Variants in GRID1 observed in about 807,000 individuals in gnomAD.
The protein encoded by GRID1 is glutamate ionotropic receptor delta type subunit 1.
GRID1 carries 28 observed loss-of-function variants against 98.0 expected under a neutral mutation model. The observed-to-expected ratio is 0.29, with a 90% CI of 0.21 to 0.39. The LOEUF is 0.39. GRID1 is among the 10% of genes least tolerant of loss of function. The pLI, the probability that GRID1 is intolerant of heterozygous loss-of-function variation, is 1.00. For synonymous variants in GRID1, 553 were observed against 538.5 expected (o/e 1.03, Z -0.37); for missense variants, 1,111 against 1,340.5 (o/e 0.83, Z 2.67).
intron 4 of GRID1, among the ~76,000 whole-genome samples, chr10:85,967,891 G>A (rs369614101): frequency 5.9e-5 from 9 of 152,234 alleles, no homozygotes; most frequent in Non-Finnish European, 7.4e-5. Context: ...GTAAAAGACC[G>A]TCAGTCAAGA....
In GRID1 at chr10:86,064,579, G is replaced by T. The variant is rs192545535; in HGVS notation, c.726+74240C>A. On this transcript the variant is annotated intron_variant, in intron 4 of 15. Coordinates refer to ENST00000327946, the MANE Select transcript of GRID1 (RefSeq NM_017551.3). ...CATCCCAGAACACAGAGGAACCAAG[G>T]TTGGTAGGCAAAGCTGGCCATGCTG... Among the ~76,000 whole-genome samples, 8 of 152,324 alleles carry T rather than the reference G, an allele frequency of 5.3e-5. No homozygotes were observed. In the East Asian group the frequency reaches 1.5e-3, roughly 29 times the overall value.
intron 4 of GRID1, among the ~76,000 whole-genome samples, chr10:86,120,898 T>G (rs1844655312): frequency 6.6e-6 from 1 of 152,084 alleles, no homozygotes; most frequent in Non-Finnish European, 1.5e-5. Context: ...GTAGAATGCC[T>G]CCTCCCTGGC....
intron 8 of GRID1, among the ~76,000 whole-genome samples, chr10:85,782,009 T>C (rs1239145187): frequency 6.6e-6 from 1 of 152,226 alleles, no homozygotes; most frequent in African/African-American, 2.4e-5. Flanking sequence ...TGTTAGTCTT[T>C]TTTGTCAAAA....
At chr10:86,160,018 C>G (rs2131985716) in intron 3 of GRID1, among the ~76,000 whole-genome samples, 1 of 152,222 alleles carries the variant, frequency 6.6e-6, no homozygotes, top group South Asian at 2.1e-4. Context: ...TCATCATAAC[C>G]ATCAACATCA....
At chr10:85,671,481 A>C (rs954497390) in intron 12 of GRID1, among the ~76,000 whole-genome samples, 2 of 152,144 alleles carry the variant, frequency 1.3e-5, no homozygotes, top group African/African-American at 4.8e-5. Flanking sequence ...CCCTTATAAG[A>C]TGGTGAAGTT....
chr10:85,940,470 T>G (rs894162984), intron 4 of GRID1, among the ~76,000 whole-genome samples: 3 of 152,164 alleles, frequency 2.0e-5, no homozygotes, highest in Non-Finnish European at 4.4e-5. Context: ...GAATAATAAA[T>G]GCAGATTCCA....
intron 8 of GRID1, among the ~76,000 whole-genome samples, chr10:85,847,043 G>C (rs1349257999): frequency 6.6e-6 from 1 of 152,164 alleles, no homozygotes; most frequent in Non-Finnish European, 1.5e-5. Flanking sequence ...GCATCTGAGA[G>C]AGAAATTCTG....
intron 4 of GRID1, among the ~76,000 whole-genome samples, chr10:86,023,227 G>A (rs1456037399): frequency 2.0e-5 from 3 of 152,176 alleles, no homozygotes; most frequent in East Asian, 1.9e-4. Flanking sequence ...GACCTAGTCC[G>A]AAGGTGAAAT....
At position 86,283,216 on chromosome 10, in the gene GRID1, C is replaced by T. The variant is rs1847380473; in HGVS notation, c.236-76568G>A. ...TCCAGGTAGTCCTCCCTGGAGATTC[C>T]TCCCCACATAGGGTTAGGAGACTCT... On this transcript the variant is annotated intron_variant, in intron 2 of 15. Transcript: ENST00000327946. Among the ~76,000 whole-genome samples the T allele has an allele frequency of 2.0e-5, 3 of 152,330 alleles. No individual in the cohort carries two copies. In the South Asian group the frequency reaches 6.2e-4, roughly 32 times the overall value.
chr10:86,105,882 C>T lies in GRID1; in HGVS notation c.726+32937G>A, dbSNP rs557288369. Among the ~76,000 whole-genome samples, 12 of 152,142 alleles carry T rather than the reference C, an allele frequency of 7.9e-5. No homozygotes were observed. In the East Asian group the frequency reaches 1.7e-3, roughly 22 times the overall value. On this transcript the variant is annotated intron_variant, in intron 4 of 15. Transcript: ENST00000327946. ...ACCCAGGAATGCTGCCCTGAGGAGC[C>T]GCGATGGGGAGAGGAAAATGATGGT...
intron 12 of GRID1, among the ~76,000 whole-genome samples, chr10:85,681,624 T>A (rs915793857): frequency 6.6e-6 from 1 of 152,060 alleles, no homozygotes. Context: ...TTTCTAAATC[T>A]TGCACCTTCT....
In GRID1 at chr10:86,317,753, T is replaced by C. The variant is rs146936021; in HGVS notation, c.235+46188A>G. On this transcript the variant is annotated intron_variant, in intron 2 of 15. Coordinates refer to ENST00000327946, the MANE Select transcript of GRID1 (RefSeq NM_017551.3). ...ATTTTTTAATTTTAATTTTTATTTTTATTTTTAGACATGGTCGCACTCTGT... is the reference window on the plus strand; with the variant it reads ...ATTTTTTAATTTTAATTTTTATTTTCATTTTTAGACATGGTCGCACTCTGT... Among the ~76,000 whole-genome samples the C allele has an allele frequency of 1.8e-3, 274 of 152,232 alleles. 2 individuals carry two copies. The highest frequency in any genetic ancestry group is 6.4e-3 in the African/African-American group (265 of 41,542).
In GRID1 at chr10:86,181,484, A is replaced by T. The variant is rs1202548588; in HGVS notation, c.520+24880T>A. On this transcript the variant is annotated intron_variant, in intron 3 of 15. Coordinates refer to ENST00000327946, the MANE Select transcript of GRID1 (RefSeq NM_017551.3). ...GTACATGGGAACAGACTTCTCTGGG[A>T]GTGATTTAGAGAAACAAGGAGGAGA... Among the ~76,000 whole-genome samples, 4 of 152,184 alleles carry T rather than the reference A, an allele frequency of 2.6e-5. No homozygotes were observed. In the East Asian group the frequency reaches 7.7e-4, roughly 29 times the overall value.
At position 85,614,752 on chromosome 10, in the gene GRID1, A is replaced by G. The variant is rs576103186; in HGVS notation, c.2361-1105T>C. Among the ~76,000 whole-genome samples the G allele has an allele frequency of 2.6e-5, 4 of 152,306 alleles. No homozygotes were observed. The South Asian group carries it at 8.3e-4, about 32-fold the overall frequency. On this transcript the variant is annotated intron_variant, in intron 14 of 15. Coordinates refer to ENST00000327946, the MANE Select transcript of GRID1 (RefSeq NM_017551.3). ...AGAACACAGGCTCTGAGGGGGCATG[A>G]GAGGCAGTTTCGATTTCATCATGTG...
chr10:85,935,471 C>T (rs1158886944), intron 4 of GRID1, among the ~76,000 whole-genome samples: 1 of 152,206 alleles, frequency 6.6e-6, no homozygotes, highest in Non-Finnish European at 1.5e-5. Context: ...GGCCAGTATA[C>T]ACGCAGAGTA....
chr10:86,217,411 G>T (rs1846190895), intron 2 of GRID1, among the ~76,000 whole-genome samples: 1 of 152,188 alleles, frequency 6.6e-6, no homozygotes, highest in Non-Finnish European at 1.5e-5. Flanking sequence ...CATAGTAAGT[G>T]TTCAAAAAAG....
At chr10:85,791,852 C>T (rs78768630) in intron 8 of GRID1, among the ~76,000 whole-genome samples, 1 of 152,068 alleles carries the variant, frequency 6.6e-6, no homozygotes, top group Non-Finnish European at 1.5e-5. Flanking sequence ...GCAAATAGTT[C>T]AGCTTAGGGA....
intron 5 of GRID1, among the ~76,000 whole-genome samples, chr10:85,886,424 G>C (rs1321728909): frequency 2.0e-5 from 3 of 152,120 alleles, no homozygotes; most frequent in African/African-American, 7.2e-5. Context: ...ATATTTTTCT[G>C]TTACTGTAGT....
At chr10:86,065,907 G>T (rs1272881738) in intron 4 of GRID1, among the ~76,000 whole-genome samples, 1 of 152,184 alleles carries the variant, frequency 6.6e-6, no homozygotes, top group African/African-American at 2.4e-5. Context: ...TAATGAAACT[G>T]TACAGACTGG....
Sources: gnomAD v4.1 joint callset for allele counts (sites outside exome capture counted in the v4.1 genomes callset) on GRCh38, gnomAD v4.1.1 for gene constraint, MANE v1.5 for transcripts, NCBI Gene and HGNC (gene_info 2026-07-23, HGNC 2026-07-21) for gene names.